The following GYPC variants were observed in gnomAD, a reference collection of about 807,000 sequenced individuals.
The protein encoded by GYPC is glycophorin C (Gerbich blood group).
In GYPC, 14 loss-of-function variants were observed where a neutral mutation model predicts 12.6. The observed-to-expected ratio is 1.11, with a 90% confidence interval of 0.74 to 1.74. The LOEUF is 1.74. GYPC is among the 40% of genes most tolerant of loss of function. The probability of loss-of-function intolerance (pLI) is 0.00; values close to 1 mark genes in which losing one functional copy is unlikely to be tolerated. For missense variants in GYPC, 225 were observed against 172.1 expected, an observed-to-expected ratio of 1.31 and a Z score of -1.72; for synonymous variants, 78 against 62.1, an observed-to-expected ratio of 1.26 and a Z score of -1.20.
intron 1 of GYPC, among the ~76,000 whole-genome samples, chr2:126,657,307 C>T (rs757027589): frequency 4.6e-5 from 7 of 152,212 alleles, no homozygotes; most frequent in Non-Finnish European, 8.8e-5. Context: ...CCTGGGAGTG[C>T]GCAGGCATCA....
In GYPC at chr2:126,656,329, G is replaced by A. The variant is rs906687688; in HGVS notation, c.49+17G>A. On this transcript the variant is annotated intron_variant, in intron 1 of 3. Coordinates refer to ENST00000259254, the MANE Select transcript of GYPC (RefSeq NM_002101.5). Reference sequence around the variant, plus strand: ...TCAGCCTCGGTGAGTACCCGCCGTGGGGAAGGGTCCTGGGGACCCACTGGA... The same window carrying A: ...TCAGCCTCGGTGAGTACCCGCCGTGAGGAAGGGTCCTGGGGACCCACTGGA... 3 of 1,586,308 alleles carry A rather than the reference G, an allele frequency of 1.9e-6. No individual in the cohort carries two copies. The highest frequency in any genetic ancestry group is 2.6e-6 in the Non-Finnish European group (3 of 1,167,846).
At chr2:126,694,038 G>T (rs1322708564) in intron 3 of GYPC, 91 bp downstream of exon 3, 3 of 876,694 alleles carry the variant, frequency 3.4e-6, no homozygotes, top group South Asian at 2.7e-5. Flanking sequence ...GACTTGGGCA[G>T]TGGTGGCTGT....
intron 2 of GYPC, among the ~76,000 whole-genome samples, chr2:126,690,546 T>C (rs1269387280): frequency 2.0e-5 from 3 of 152,130 alleles, no homozygotes; most frequent in East Asian, 3.9e-4. Context: ...TACATAGGTA[T>C]GTCATATGTA....
chr2:126,676,101 G>A (rs967308329), intron 1 of GYPC, among the ~76,000 whole-genome samples: 1 of 152,202 alleles, frequency 6.6e-6, no homozygotes, highest in Non-Finnish European at 1.5e-5. Context: ...CCTGATTGAA[G>A]AAACAGATCC....
At chr2:126,682,222 TC>T (rs1407798901) in intron 1 of GYPC, among the ~76,000 whole-genome samples, 1 of 152,206 alleles carries the variant, frequency 6.6e-6, no homozygotes, top group African/African-American at 2.4e-5. Flanking sequence ...GAGAAGCATT[TC>T]CCTGCTGCCT....
At chr2:126,683,247 G>T (rs1031197904) in intron 1 of GYPC, among the ~76,000 whole-genome samples, 4 of 152,104 alleles carry the variant, frequency 2.6e-5, no homozygotes, top group Non-Finnish European at 4.4e-5. Flanking sequence ...TTGAACCTGG[G>T]GGGCAGAGGT....
At chr2:126,672,037 G>T (rs1386251515) in intron 1 of GYPC, among the ~76,000 whole-genome samples, 1 of 152,172 alleles carries the variant, frequency 6.6e-6, no homozygotes, top group African/African-American at 2.4e-5. Flanking sequence ...GTGCAGGCCT[G>T]GTCTGACCAA....
In GYPC at chr2:126,695,975, G is replaced by C; in HGVS notation, c.220G>C (p.Val74Leu). 1 of 1,614,042 alleles carries C rather than the reference G, an allele frequency of 6.2e-7. No individual in the cohort carries two copies. Residue 74 changes from valine to leucine, a missense_variant, in exon 4 of 4, where the codon GTC becomes CTC. Coordinates refer to ENST00000259254, the MANE Select transcript of GYPC (RefSeq NM_002101.5). ...GATTGCTGCTGTGGCCATCGTCCTA[G>C]TCTCCCTCCTCTTCGTCATGCTGCG... ...GVIAAVAIVL[V>L]SLLFVMLRYM...
chr2:126,693,703 C>A (rs1202779176), intron 2 of GYPC, among the ~76,000 whole-genome samples, 161 bp from the exon 3 acceptor site: 1 of 152,178 alleles, frequency 6.6e-6, no homozygotes, highest in Non-Finnish European at 1.5e-5. Flanking sequence ...CTGGTCTGTG[C>A]ATCCCTGCTA....
At chr2:126,688,675 A>T (rs138277606) in intron 1 of GYPC, among the ~76,000 whole-genome samples, 5 of 151,954 alleles carry the variant, frequency 3.3e-5, no homozygotes, top group Non-Finnish European at 7.4e-5. Flanking sequence ...CCCACCTCCA[A>T]GCTCCTTGGT....
intron 1 of GYPC, chr2:126,675,706 T>A: frequency 2.0e-6 from 2 of 984,982 alleles, no homozygotes; most frequent in Non-Finnish European, 2.4e-6. Flanking sequence ...GACTTCTTAG[T>A]CTGATCTTCA....
At chr2:126,676,718 G>A (rs1397226803) in intron 1 of GYPC, among the ~76,000 whole-genome samples, 2 of 152,140 alleles carry the variant, frequency 1.3e-5, no homozygotes, top group African/African-American at 2.4e-5. Context: ...TATTTTAGAG[G>A]ATTTTCATTG....
intron 1 of GYPC, among the ~76,000 whole-genome samples, chr2:126,670,591 G>A (rs1238840371): frequency 6.6e-6 from 1 of 152,188 alleles, no homozygotes; most frequent in Non-Finnish European, 1.5e-5. Context: ...TGGGTCACAG[G>A]CTTCGAGGGG....
intron 1 of GYPC, among the ~76,000 whole-genome samples, chr2:126,665,327 ATTG>A (rs1682648527): frequency 6.6e-6 from 1 of 152,124 alleles, no homozygotes; most frequent in Non-Finnish European, 1.5e-5. Context: ...TTCATTATTC[ATTG>A]TTGTTAATAT....
chr2:126,677,369 G>A (rs1683023372), intron 1 of GYPC, among the ~76,000 whole-genome samples: 3 of 151,552 alleles, frequency 2.0e-5, no homozygotes, highest in South Asian at 2.1e-4. Flanking sequence ...GTGAGAGAAT[G>A]AGTAGGAGTG....
chr2:126,686,419 T>G (rs1386417466), intron 1 of GYPC: 1 of 985,312 alleles, frequency 1.0e-6, no homozygotes, highest in African/African-American at 1.7e-5. Context: ...CCTGAGGACA[T>G]AGAGAGTTAG....
intron 1 of GYPC, among the ~76,000 whole-genome samples, chr2:126,687,487 C>A (rs1254010993): frequency 6.6e-6 from 1 of 152,228 alleles, no homozygotes; most frequent in Non-Finnish European, 1.5e-5. Flanking sequence ...CCTTCCCAGA[C>A]AGCCTTGAGC....
At chr2:126,689,521 G>T (rs935021) in intron 1 of GYPC, among the ~76,000 whole-genome samples, 85,102 of 145,688 alleles carry the variant, frequency 0.58, 25,386 homozygotes, top group African/African-American at 0.69. Context: ...GTGGGGGATA[G>T]TTGAGTCACA....
At chr2:126,666,708 T>TACACACACACACACACACACACAC (rs67904410) in intron 1 of GYPC, among the ~76,000 whole-genome samples, 1 of 118,422 alleles carries the variant, frequency 8.4e-6, no homozygotes, top group Non-Finnish European at 1.7e-5. Flanking sequence ...CCTCCCTCCC[T>TACACACACACACACACACACACAC]ACACACACAC....
Sources: allele counts gnomAD v4.1 joint callset (sites outside exome capture counted in the v4.1 genomes callset), GRCh38; gene constraint gnomAD v4.1.1; transcripts MANE v1.5; gene names NCBI Gene and HGNC (gene_info 2026-07-23, HGNC 2026-07-21).